MYRFL: variants seen among roughly 807,000 people sequenced by gnomAD.
MYRFL encodes the protein myelin regulatory factor like.
A neutral mutation model predicts 109.4 loss-of-function variants in MYRFL; 88 were observed. That is an observed-to-expected ratio of 0.80 (90% CI 0.68 to 0.96). The LOEUF is 0.96. Among genes scored for constraint, MYRFL ranks in the 40% least tolerant of loss-of-function variants. The pLI is 0.00. For synonymous variants in MYRFL, 324 were observed against 320.9 expected, an observed-to-expected ratio of 1.01 and a Z score of -0.10; for missense variants, 957 against 954.9, an observed-to-expected ratio of 1.00 and a Z score of -0.03.
intron 2 of MYRFL, among the ~76,000 whole-genome samples, chr12:69,874,389 G>A (rs1202329161): frequency 6.6e-6 from 1 of 152,122 alleles, no homozygotes; most frequent in Admixed American, 6.5e-5. Context: ...TGTTGTCCAG[G>A]CTAGTCTTAA....
chr12:69,846,246 A>G (rs1305924605), intron 1 of MYRFL, among the ~76,000 whole-genome samples: 5 of 150,696 alleles, frequency 3.3e-5, no homozygotes, highest in Non-Finnish European at 7.4e-5. Flanking sequence ...TGTGCAGGTT[A>G]GTTACATAGG....
intron 13 of MYRFL, among the ~76,000 whole-genome samples, chr12:69,913,187 A>G (rs1954626774): frequency 6.6e-6 from 1 of 152,098 alleles, no homozygotes; most frequent in South Asian, 2.1e-4. Flanking sequence ...GGAATTCTCT[A>G]TATATTCTGG....
At chr12:69,891,515 G>C (rs555474123) in intron 7 of MYRFL, among the ~76,000 whole-genome samples, 1 of 152,166 alleles carries the variant, frequency 6.6e-6, no homozygotes, top group East Asian at 1.9e-4. Flanking sequence ...ATGGTGGCTG[G>C]CTTCTAAGGA....
At chr12:69,931,478 T>C (rs189376939) in intron 15 of MYRFL, among the ~76,000 whole-genome samples, 51 of 152,312 alleles carry the variant, frequency 3.3e-4, no homozygotes, top group Admixed American at 7.2e-4. Flanking sequence ...CCCTACCCTA[T>C]GTTACATTGA....
At chr12:69,853,371 G>A (rs1203588656) in intron 1 of MYRFL, among the ~76,000 whole-genome samples, 7 of 148,630 alleles carry the variant, frequency 4.7e-5, no homozygotes, top group African/African-American at 9.9e-5. Flanking sequence ...AGCGGCTGCC[G>A]GGCGGAGGGG....
At chr12:69,915,033 C>T (rs529101573) in intron 13 of MYRFL, among the ~76,000 whole-genome samples, 110 of 152,288 alleles carry the variant, frequency 7.2e-4, no homozygotes, top group African/African-American at 2.5e-3. Flanking sequence ...CTAGTTTAAC[C>T]CTCAACACGG....
chr12:69,830,451 GAT>G (rs963840443), intron 1 of MYRFL, among the ~76,000 whole-genome samples: 6 of 149,842 alleles, frequency 4.0e-5, no homozygotes, highest in African/African-American at 1.2e-4. Context: ...TATAGAGAGA[GAT>G]AATACATTTA....
At chr12:69,877,890 G>A (rs1366473673) in intron 2 of MYRFL, among the ~76,000 whole-genome samples, 2 of 152,112 alleles carry the variant, frequency 1.3e-5, no homozygotes, top group African/African-American at 2.4e-5. Context: ...GCAACTTGTA[G>A]GTCTTTTGAA....
At chr12:69,887,320 C>G (rs1886517737) in intron 6 of MYRFL, among the ~76,000 whole-genome samples, 1 of 152,114 alleles carries the variant, frequency 6.6e-6, no homozygotes, top group Non-Finnish European at 1.5e-5. Context: ...CTTATAATGC[C>G]ATAAAATACT....
chr12:69,848,420 C>T (rs1883684758), intron 1 of MYRFL, among the ~76,000 whole-genome samples: 1 of 151,954 alleles, frequency 6.6e-6, no homozygotes, highest in Admixed American at 6.6e-5. Context: ...AAAATATGCT[C>T]TTAATTTATT....
chr12:69,880,232 T>C lies in MYRFL; in HGVS notation c.496T>C (p.Cys166Arg). The change falls in exon 5 of 25, where the codon TGC (cysteine) becomes CGC (arginine). Residue 166 changes from cysteine (C) to arginine (R), a missense_variant. Physicochemically the swap from Cys to Arg is radical, Grantham distance 180 (BLOSUM62 -3). Coordinates refer to ENST00000552032, the MANE Select transcript of MYRFL (RefSeq NM_182530.3). ...ATTGCCTCCAACCAAGAAGAGAAAG[T>C]GCACGCAGGCACTGGAGGACTCCGG... Reference protein sequence around the residue: ...ASLPPTKKRKCTQALEDSGEC... With the variant: ...ASLPPTKKRKRTQALEDSGEC... 2 of 702,700 alleles carry C rather than the reference T, an allele frequency of 2.8e-6. No homozygotes were observed. Among genetic ancestry groups the C allele is most frequent in the Non-Finnish European group, 5.2e-6 (2 of 384,784 alleles). 43.5% of individuals were successfully genotyped at this position (702,700 alleles called of 1,614,324 possible).
At position 69,854,237 on chromosome 12, in the gene MYRFL, C is replaced by G. The variant is rs566641388; in HGVS notation, c.47-1043C>G. On this transcript the variant is annotated intron_variant, in intron 1 of 24. Transcript: ENST00000552032. The stretch of plus-strand genomic sequence containing the variant: ...GCGCGTGCCTGCAATCTCAGGCACT[C>G]GGCAGGCTGAGGCAGGAGAATCAGG... Among the ~76,000 whole-genome samples the G allele has an allele frequency of 3.2e-3, 489 of 151,054 alleles. 3 individuals carry two copies. The highest frequency in any genetic ancestry group is 5.9e-3 in the South Asian group (28 of 4,774).
intron 1 of MYRFL, among the ~76,000 whole-genome samples, chr12:69,843,968 G>A (rs1211168275): frequency 1.3e-5 from 2 of 152,196 alleles, no homozygotes; most frequent in Non-Finnish European, 2.9e-5. Context: ...GCTTAAGGGT[G>A]CCCTCTTGGC....
intron 2 of MYRFL, among the ~76,000 whole-genome samples, chr12:69,869,595 G>A (rs530717049): frequency 3.5e-4 from 54 of 152,334 alleles, no homozygotes; most frequent in Non-Finnish European, 6.3e-4. Flanking sequence ...TATTTGTTAT[G>A]CACCAACTCT....
rs1257518032 is a variant in MYRFL at position 69,903,657 on chromosome 12, G to C, written c.1196G>C (p.Gly399Ala). ...ERIIVRASNP[G>A]QFENDSDALW... Reference sequence around the variant, plus strand: ...GTATTTTTCCAGGCCTCTAACCCTGGGCAGTTTGAAAATGACAGTGATGCA... The same window carrying C: ...GTATTTTTCCAGGCCTCTAACCCTGCGCAGTTTGAAAATGACAGTGATGCA... The change falls in exon 11 of 25, where the codon GGG (glycine) becomes GCG (alanine). Residue 399 changes from glycine to alanine, a missense_variant. By Grantham distance (60) the Gly-to-Ala change is moderately conservative (BLOSUM62 0). Transcript: ENST00000552032. 6.5e-7 allele frequency: 1 copy of C among 1,535,744 alleles called. No individual in the cohort carries two copies. Among genetic ancestry groups the C allele is most frequent in the Non-Finnish European group, 8.7e-7 (1 of 1,146,686 alleles).
intron 19 of MYRFL, among the ~76,000 whole-genome samples, chr12:69,947,925 G>A (rs533511265): frequency 6.6e-6 from 1 of 152,300 alleles, no homozygotes; most frequent in South Asian, 2.1e-4. Flanking sequence ...CATGACAGGA[G>A]TATGCTTTTT....
rs1592767611 is a variant in MYRFL, at chr12:69,891,682, TTTCGTTCGTTC to T, written c.903+517_903+527del. On this transcript the variant is annotated intron_variant, in intron 7 of 24. Coordinates refer to ENST00000552032, the MANE Select transcript of MYRFL (RefSeq NM_182530.3). ...CTTTCTTTCTTTCTTTCTTTCTTTCTTTCGTTCGTTCGTTCTTTCTTTCTTTTTTTCTTTGA... is the reference window on the plus strand; with the variant it reads ...CTTTCTTTCTTTCTTTCTTTCTTTCTGTTCTTTCTTTCTTTTTTTCTTTGA... 9.4e-3 allele frequency among the ~76,000 whole-genome samples: 954 copies of T among 101,552 alleles called. 71 individuals carry two copies. Among genetic ancestry groups the T allele is most frequent in the African/African-American group, 0.027 (627 of 22,984 alleles). 66.6% of individuals were successfully genotyped at this position (101,552 alleles called of 152,430 possible).
At chr12:69,909,828 C>G (rs1405304258) in intron 11 of MYRFL, 141 bp from the exon 12 acceptor site, 2 of 658,126 alleles carry the variant, frequency 3.0e-6, no homozygotes, top group East Asian at 5.9e-5. Flanking sequence ...TTGGGTAATC[C>G]TGGCTTGGAA....
chr12:69,950,112 T>C (rs200590756), intron 19 of MYRFL, among the ~76,000 whole-genome samples: 3 of 64,100 alleles, frequency 4.7e-5, no homozygotes, highest in African/African-American at 2.0e-4. Flanking sequence ...GCATGCTCAA[T>C]TTTTTTTTTT....
Sources: gnomAD v4.1 joint callset for allele counts (sites outside exome capture counted in the v4.1 genomes callset) on GRCh38, gnomAD v4.1.1 for gene constraint, MANE v1.5 for transcripts, NCBI Gene and HGNC (gene_info 2026-07-23, HGNC 2026-07-21) for gene names.